Variants in SCUBE1 observed in about 807,000 individuals in gnomAD.
The protein encoded by SCUBE1 is signal peptide, CUB and EGF-like domain-containing protein 1.
In SCUBE1, 59 loss-of-function variants were observed where a neutral mutation model predicts 124.4. The observed-to-expected ratio is 0.47, with a 90% CI of 0.38 to 0.59. SCUBE1 has a LOEUF of 0.59. SCUBE1 is among the 20% of genes least tolerant of loss of function. SCUBE1 has a pLI of 0.00. For missense variants in SCUBE1, 1,150 were observed against 1,371.2 expected (o/e 0.84, Z 2.55); for synonymous variants, 545 against 550.9 (o/e 0.99, Z 0.15).
At chr22:43,217,704 A>C (rs759533753) in intron 15 of SCUBE1, among the ~76,000 whole-genome samples, 16 of 152,124 alleles carry the variant, frequency 1.1e-4, no homozygotes, top group Non-Finnish European at 2.1e-4. Flanking sequence ...CACTAGAACT[A>C]GGACTGTCTC....
intron 4 of SCUBE1, among the ~76,000 whole-genome samples, chr22:43,275,293 A>G (rs749971950): frequency 1.2e-4 from 19 of 152,236 alleles, no homozygotes; most frequent in Non-Finnish European, 2.5e-4. Context: ...GGACCCAGCA[A>G]ACCACGACGC....
At chr22:43,298,212 G>A (rs1056289810) in intron 3 of SCUBE1, among the ~76,000 whole-genome samples, 2 of 152,346 alleles carry the variant, frequency 1.3e-5, no homozygotes, top group South Asian at 2.1e-4. Context: ...TGGGGCCTGG[G>A]TTCTGCCAGA....
intron 12 of SCUBE1, among the ~76,000 whole-genome samples, chr22:43,221,996 G>A (rs748223445): frequency 5.1e-4 from 77 of 152,046 alleles, no homozygotes; most frequent in Non-Finnish European, 9.4e-4. Flanking sequence ...CCTGGGAGGC[G>A]GAGGTTGCAG....
intron 9 of SCUBE1, among the ~76,000 whole-genome samples, chr22:43,228,571 C>A (rs541073496): frequency 3.3e-5 from 5 of 152,338 alleles, no homozygotes; most frequent in African/African-American, 9.6e-5. Context: ...TTCCTCTGAG[C>A]TCCCTCCTGT....
At chr22:43,209,946 C>T (rs1921468436) in intron 19 of SCUBE1, 97 bp downstream of exon 19, 1 of 1,347,946 alleles carries the variant, frequency 7.4e-7, no homozygotes, top group East Asian at 2.5e-5. Flanking sequence ...CTCCTCTCTG[C>T]CCTGTGAAGG....
At chr22:43,340,424 A>G (rs1484039903) in intron 1 of SCUBE1, among the ~76,000 whole-genome samples, 2 of 151,998 alleles carry the variant, frequency 1.3e-5, no homozygotes, top group East Asian at 3.9e-4. Context: ...ATTGTGCAAA[A>G]TAGATTCTGT....
At chr22:43,332,824 A>AG (rs1393246209) in intron 2 of SCUBE1, among the ~76,000 whole-genome samples, 1 of 151,958 alleles carries the variant, frequency 6.6e-6, no homozygotes, top group Non-Finnish European at 1.5e-5. Context: ...CCCAGCCCTG[A>AG]GGGAAGTTAC....
At position 43,198,663 on chromosome 22, in the gene SCUBE1, T is replaced by C. The variant is rs1214808354; in HGVS notation, c.*5334A>G. ...GGTGAAAAGGGACCTCAATGTCAGG[T>C]GCAGTTTGCCAGGGTGACCAGACTT... is the stretch of plus-strand genomic sequence containing the variant. On this transcript the variant is annotated 3_prime_UTR_variant, in exon 22 of 22. Transcript: ENST00000360835. 2.2e-6 allele frequency: 1 copy of C among 456,588 alleles called. No individual in the cohort carries two copies. Among genetic ancestry groups the C allele is most frequent in the African/African-American group, 2.0e-5 (1 of 50,074 alleles). The allele number at this position is 456,588 out of a possible 1,614,324, so 28.3% of individuals were successfully genotyped here. A position where few individuals can be genotyped will look rare whatever the true frequency, so the allele number is the denominator to read the frequency against.
intron 6 of SCUBE1, among the ~76,000 whole-genome samples, chr22:43,251,541 C>T (rs1298382037): frequency 6.6e-6 from 1 of 152,112 alleles, no homozygotes; most frequent in Non-Finnish European, 1.5e-5. Flanking sequence ...CCGAGGGAGG[C>T]AGCAGAGGTG....
chr22:43,263,591 C>G (rs1164731295), intron 4 of SCUBE1, among the ~76,000 whole-genome samples: 1 of 152,202 alleles, frequency 6.6e-6, no homozygotes, highest in African/African-American at 2.4e-5. Flanking sequence ...GCCTCTTGTT[C>G]CAAGGGAGGA....
At chr22:43,281,441 A>C (rs1924851327) in intron 4 of SCUBE1, among the ~76,000 whole-genome samples, 2 of 40,948 alleles carry the variant, frequency 4.9e-5, no homozygotes, top group South Asian at 1.0e-3. Flanking sequence ...TCCCTTGGCC[A>C]CCCTCCTGTC....
intron 4 of SCUBE1, chr22:43,270,234 C>T (rs1012646577): frequency 1.8e-4 from 28 of 152,356 alleles, no homozygotes; most frequent in Admixed American, 1.7e-3. Context: ...TGCGTTCCAT[C>T]TTTAGACTTG....
chr22:43,334,674 A>G (rs138869918), intron 2 of SCUBE1, among the ~76,000 whole-genome samples: 2,850 of 148,222 alleles, frequency 0.019, 93 homozygotes, highest in African/African-American at 0.066. Context: ...CACCATCAAC[A>G]TTATCATCGC....
At chr22:43,285,924 C>G (rs5759257) in intron 4 of SCUBE1, among the ~76,000 whole-genome samples, 1 of 152,214 alleles carries the variant, frequency 6.6e-6, no homozygotes, top group Non-Finnish European at 1.5e-5. Flanking sequence ...GGTGCAAGGA[C>G]CACCAGCTCG....
At chr22:43,304,224 C>T (rs1424076560) in intron 3 of SCUBE1, among the ~76,000 whole-genome samples, 1 of 152,254 alleles carries the variant, frequency 6.6e-6, no homozygotes, top group Non-Finnish European at 1.5e-5. Context: ...GCGGTGGCCT[C>T]ATCTGCCACC....
chr22:43,300,393 C>T (rs1925727235), intron 3 of SCUBE1, among the ~76,000 whole-genome samples: 1 of 151,122 alleles, frequency 6.6e-6, no homozygotes, highest in Non-Finnish European at 1.5e-5. Context: ...TGTTGAACAG[C>T]TTTTCACATG....
intron 3 of SCUBE1, among the ~76,000 whole-genome samples, chr22:43,303,155 A>T (rs1346569657): frequency 6.6e-6 from 1 of 152,260 alleles, no homozygotes; most frequent in Non-Finnish European, 1.5e-5. Context: ...TTCCCGTGGA[A>T]GTCCGCATTT....
intron 2 of SCUBE1, among the ~76,000 whole-genome samples, chr22:43,323,376 C>T (rs1236650024): frequency 1.3e-5 from 2 of 152,162 alleles, no homozygotes; most frequent in African/African-American, 4.8e-5. Context: ...ATCTACTCAA[C>T]CATTCTTCCA....
At chr22:43,295,508 G>A (rs1439229665) in intron 3 of SCUBE1, among the ~76,000 whole-genome samples, 1 of 149,248 alleles carries the variant, frequency 6.7e-6, no homozygotes, top group Non-Finnish European at 1.5e-5. Context: ...TACCGCCAAG[G>A]GACCAGTCCC....
Sources: allele counts gnomAD v4.1 joint callset (sites outside exome capture counted in the v4.1 genomes callset), GRCh38; gene constraint gnomAD v4.1.1; transcripts MANE v1.5; gene names NCBI Gene and HGNC (gene_info 2026-07-23, HGNC 2026-07-21).